Variants in RNGTT observed in about 807,000 individuals in gnomAD.
RNGTT encodes the protein mRNA-capping enzyme.
RNGTT carries 33 observed loss-of-function variants against 79.3 expected under a neutral mutation model. The ratio of observed to expected loss-of-function variants is 0.42; its 90% CI spans 0.32 to 0.56. The LOEUF (loss-of-function observed/expected upper bound fraction) is 0.56. Among genes scored for constraint, RNGTT ranks in the 20% least tolerant of loss-of-function variants. RNGTT has a pLI of 0.17. For missense variants in RNGTT, 497 were observed against 739.1 expected (o/e 0.67, Z 3.80); for synonymous variants, 222 against 235.9 (o/e 0.94, Z 0.54).
At chr6:88,907,294 A>T (rs566433932) in intron 4 of RNGTT, among the ~76,000 whole-genome samples, 1 of 152,284 alleles carries the variant, frequency 6.6e-6, no homozygotes, top group South Asian at 2.1e-4. Context: ...TGAATCATGG[A>T]GGTGGTTTCC....
intron 6 of RNGTT, among the ~76,000 whole-genome samples, chr6:88,899,718 TAGA>T (rs1783381472): frequency 6.6e-6 from 1 of 152,174 alleles, no homozygotes; most frequent in African/African-American, 2.4e-5. Context: ...AGAGGTGAGC[TAGA>T]CATCTTCTAC....
At chr6:88,819,825 A>G (rs1006716038) in intron 11 of RNGTT, among the ~76,000 whole-genome samples, 1 of 152,080 alleles carries the variant, frequency 6.6e-6, no homozygotes, top group Non-Finnish European at 1.5e-5. Context: ...CTCTTACAAT[A>G]TATGTCTCCC....
chr6:88,863,502 T>C (rs1304430579), intron 8 of RNGTT, among the ~76,000 whole-genome samples: 1 of 152,124 alleles, frequency 6.6e-6, no homozygotes. Context: ...CCATAAAGAA[T>C]CAAAAAATCT....
At position 88,923,056 on chromosome 6, in the gene RNGTT, A is replaced by G. The variant is rs1169548096; in HGVS notation, c.367+5929T>C. On this transcript the variant is annotated intron_variant, in intron 4 of 15. Transcript: ENST00000369485. Reference sequence around the variant, plus strand: ...AGAGACATAATTAGATTCACTTTTAAGACTTTAGGTAAGAATATTTTATAG... The same window carrying G: ...AGAGACATAATTAGATTCACTTTTAGGACTTTAGGTAAGAATATTTTATAG... 2.0e-5 allele frequency among the ~76,000 whole-genome samples: 3 copies of G among 152,202 alleles called. No individual in the cohort carries two copies. In the South Asian group the frequency reaches 6.2e-4, roughly 31 times the overall value.
chr6:88,712,100 G>GT (rs1776338696), intron 13 of RNGTT, among the ~76,000 whole-genome samples: 2 of 152,142 alleles, frequency 1.3e-5, no homozygotes, highest in African/African-American at 4.8e-5. Context: ...GGGGTCACAT[G>GT]TTGATCTTTC....
At chr6:88,704,182 C>T (rs1776041794) in intron 13 of RNGTT, among the ~76,000 whole-genome samples, 1 of 146,808 alleles carries the variant, frequency 6.8e-6, no homozygotes, top group Non-Finnish European at 1.5e-5. Flanking sequence ...ATGGCATGAA[C>T]CCAGGAGGTG....
chr6:88,769,582 G>C (rs1778579416), intron 13 of RNGTT, among the ~76,000 whole-genome samples, 192 bp downstream of exon 13: 2 of 152,074 alleles, frequency 1.3e-5, no homozygotes, highest in African/African-American at 4.8e-5. Context: ...TATGTTAGCT[G>C]ACACAGGTCA....
At chr6:88,734,601 G>T (rs1777223601) in intron 13 of RNGTT, among the ~76,000 whole-genome samples, 1 of 152,080 alleles carries the variant, frequency 6.6e-6, no homozygotes, top group Admixed American at 6.6e-5. Context: ...ACATAAAGAT[G>T]CAGGTAAGTG....
intron 13 of RNGTT, among the ~76,000 whole-genome samples, chr6:88,742,626 C>A (rs1290405874): frequency 6.6e-6 from 1 of 152,116 alleles, no homozygotes; most frequent in Non-Finnish European, 1.5e-5. Context: ...GGCTAAGTGA[C>A]CCAGATCTAT....
intron 13 of RNGTT, among the ~76,000 whole-genome samples, chr6:88,756,937 C>T (rs1038429223): frequency 1.3e-5 from 2 of 152,116 alleles, no homozygotes; most frequent in African/African-American, 2.4e-5. Context: ...TATCCTCAGA[C>T]TAAAACCCTA....
At chr6:88,821,485 C>A (rs993744685) in intron 11 of RNGTT, among the ~76,000 whole-genome samples, 1 of 151,570 alleles carries the variant, frequency 6.6e-6, no homozygotes, top group Non-Finnish European at 1.5e-5. Flanking sequence ...AAAAGAAGAA[C>A]AAAGAAAAGT....
At chr6:88,771,291 CTGTA>C (rs1206568151) in intron 12 of RNGTT, among the ~76,000 whole-genome samples, 4 of 88,862 alleles carry the variant, frequency 4.5e-5, no homozygotes, top group Admixed American at 2.6e-4. Context: ...AAGCACAGGA[CTGTA>C]TGTATGTATG....
At chr6:88,860,298 A>C (rs1464351713) in intron 8 of RNGTT, among the ~76,000 whole-genome samples, 1 of 152,212 alleles carries the variant, frequency 6.6e-6, no homozygotes, top group South Asian at 2.1e-4. Flanking sequence ...GGGGCATTTA[A>C]GAAGGAAGCA....
chr6:88,619,069 A>T (rs1440976399), intron 14 of RNGTT, among the ~76,000 whole-genome samples: 1 of 152,026 alleles, frequency 6.6e-6, no homozygotes, highest in East Asian at 1.9e-4. Flanking sequence ...TCATTGCTCA[A>T]ATTGTTCTAG....
intron 11 of RNGTT, among the ~76,000 whole-genome samples, chr6:88,837,404 CA>C (rs889216189): frequency 5.3e-5 from 8 of 151,918 alleles, no homozygotes; most frequent in Non-Finnish European, 1.0e-4. Context: ...CTTAAAACAA[CA>C]ACAACAACAA....
intron 12 of RNGTT, among the ~76,000 whole-genome samples, chr6:88,788,160 T>G (rs549923229): frequency 1.1e-3 from 163 of 152,212 alleles, no homozygotes; most frequent in African/African-American, 3.7e-3. Flanking sequence ...TAACCAAATT[T>G]GGGGCTTACA....
At chr6:88,823,723 C>A (rs751221883) in intron 11 of RNGTT, among the ~76,000 whole-genome samples, 4 of 152,132 alleles carry the variant, frequency 2.6e-5, no homozygotes, top group Middle Eastern at 3.4e-3. Context: ...AGACTCTAGG[C>A]CTTCATGGGT....
intron 14 of RNGTT, among the ~76,000 whole-genome samples, chr6:88,623,525 C>G (rs1772515480): frequency 1.3e-5 from 2 of 151,880 alleles, no homozygotes; most frequent in Admixed American, 1.3e-4. Context: ...ATTACTCAGG[C>G]CTATTAATTC....
chr6:88,706,860 G>A (rs1180586587), intron 13 of RNGTT, among the ~76,000 whole-genome samples: 1 of 151,544 alleles, frequency 6.6e-6, no homozygotes, highest in Non-Finnish European at 1.5e-5. Flanking sequence ...CCTATCACAC[G>A]AATCATTACT....
Sources: allele counts gnomAD v4.1 joint callset (sites outside exome capture counted in the v4.1 genomes callset), GRCh38; gene constraint gnomAD v4.1.1; transcripts MANE v1.5; gene names NCBI Gene and HGNC (gene_info 2026-07-23, HGNC 2026-07-21).